Variants in KIF24 observed in about 807,000 individuals in gnomAD.
KIF24 encodes the protein kinesin-like protein KIF24.
Under a neutral mutation model 118.9 loss-of-function variants are expected in KIF24, and 81 were observed. That is an observed-to-expected ratio of 0.68 (90% CI 0.57 to 0.82). KIF24 has a LOEUF of 0.82. Among genes scored for constraint, KIF24 ranks in the 40% least tolerant of loss-of-function variants. The probability of loss-of-function intolerance (pLI) is 0.00; values close to 1 mark genes in which losing one functional copy is unlikely to be tolerated. For synonymous variants in KIF24, 599 were observed against 610.0 expected (o/e 0.98, Z 0.27); for missense variants, 1,560 against 1,661.6 (o/e 0.94, Z 1.06).
intron 1 of KIF24, among the ~76,000 whole-genome samples, chr9:34,324,692 A>G (rs778791898): frequency 1.2e-4 from 19 of 152,328 alleles, no homozygotes; most frequent in African/African-American, 3.4e-4. Context: ...TACAAAGTCC[A>G]AACTCCTAAG....
intron 2 of KIF24, among the ~76,000 whole-genome samples, chr9:34,307,140 C>A (rs1411585226): frequency 6.6e-6 from 1 of 152,158 alleles, no homozygotes; most frequent in African/African-American, 2.4e-5. Flanking sequence ...ACAGCCATGG[C>A]TCATTGCAGC....
chr9:34,270,874 T>C (rs914161343), intron 7 of KIF24, among the ~76,000 whole-genome samples: 4 of 148,096 alleles, frequency 2.7e-5, no homozygotes, highest in African/African-American at 1.0e-4. Flanking sequence ...GTCTCAACCC[T>C]GGAGATCAAT....
chr9:34,269,481 G>A (rs982754896), intron 7 of KIF24, 119 bp from the exon 8 acceptor site: 13 of 423,354 alleles, frequency 3.1e-5, no homozygotes, highest in Non-Finnish European at 4.8e-5. Context: ...GTGCAGTGGC[G>A]CGATTTTGGC....
chr9:34,275,936 A>G (rs1835644579), intron 6 of KIF24, among the ~76,000 whole-genome samples: 1 of 152,184 alleles, frequency 6.6e-6, no homozygotes, highest in Non-Finnish European at 1.5e-5. Flanking sequence ...TGTTCCTCTG[A>G]GTTTGTTCAA....
chr9:34,305,299 T>A (rs994736882), intron 3 of KIF24, among the ~76,000 whole-genome samples: 1 of 152,186 alleles, frequency 6.6e-6, no homozygotes, highest in Non-Finnish European at 1.5e-5. Context: ...TGAAATCATA[T>A]CTCTGGATTT....
At chr9:34,323,587 A>G (rs1381692620) in intron 1 of KIF24, among the ~76,000 whole-genome samples, 4 of 152,324 alleles carry the variant, frequency 2.6e-5, no homozygotes, top group African/African-American at 9.6e-5. Flanking sequence ...ATTTTGCCAC[A>G]CTGCAGTCAT....
chr9:34,319,400 G>A (rs1434315832), intron 1 of KIF24: 4 of 929,686 alleles, frequency 4.3e-6, no homozygotes, highest in Non-Finnish European at 7.1e-6. Context: ...ACAAGAACAA[G>A]GCAAACTTGT....
At chr9:34,255,310 G>C in intron 11 of KIF24, 145 bp from the exon 12 acceptor site, 1 of 614,888 alleles carries the variant, frequency 1.6e-6, no homozygotes, top group Non-Finnish European at 2.9e-6. Context: ...TTACCAACCA[G>C]CTCCCCCTCA....
Position 34,290,215 on chromosome 9 carries a change from A to C in KIF24, c.1086T>G (p.Ile362Met). 6.2e-7 allele frequency: 1 copy of C among 1,613,740 alleles called. No individual in the cohort carries two copies. The highest frequency in any genetic ancestry group is 2.2e-5 in the East Asian group (1 of 44,864). Reference protein sequence around the residue: ...HLFVWISFYEIYCGQLYDLLN... With the variant: ...HLFVWISFYEMYCGQLYDLLN... Reference sequence around the variant, plus strand: ...GGAGGTCATAAAGCTGTCCACAGTAAATTTCATAGAAGCTGATCCACACAA... The same window carrying C: ...GGAGGTCATAAAGCTGTCCACAGTACATTTCATAGAAGCTGATCCACACAA... The change falls in exon 5 of 13, where the codon ATT (isoleucine) becomes ATG (methionine). Residue 362 changes from isoleucine to methionine, a missense_variant. Coordinates refer to ENST00000402558, the MANE Select transcript of KIF24 (RefSeq NM_194313.4).
At chr9:34,298,542 C>T (rs1473907684) in intron 3 of KIF24, among the ~76,000 whole-genome samples, 2 of 107,944 alleles carry the variant, frequency 1.9e-5, no homozygotes, top group African/African-American at 5.3e-5. Context: ...AAAACTCCAT[C>T]TCAAAAAAAA....
At chr9:34,316,382 C>A (rs1383560630) in intron 1 of KIF24, among the ~76,000 whole-genome samples, 1 of 151,852 alleles carries the variant, frequency 6.6e-6, no homozygotes, top group African/African-American at 2.4e-5. Context: ...TTGCCCAAGG[C>A]AACGAAGTGA....
chr9:34,268,509 CTT>C (rs551412725), intron 8 of KIF24, among the ~76,000 whole-genome samples: 9 of 123,564 alleles, frequency 7.3e-5, no homozygotes, highest in Non-Finnish European at 1.2e-4. Context: ...GATTTTCTTT[CTT>C]TTTTTTTTTT....
intron 6 of KIF24, among the ~76,000 whole-genome samples, chr9:34,281,841 T>C (rs1835860849): frequency 6.6e-6 from 1 of 152,146 alleles, no homozygotes; most frequent in African/African-American, 2.4e-5. Context: ...TCCTCTCCCT[T>C]TTACTCTAGC....
rs144965940 is a variant in KIF24 at position 34,301,439 on chromosome 9, G to A, written c.814-4325C>T. ...AATTTTTTGTATTTTTAGTAGAGAT[G>A]GGGTTTCGCTATGATAGCCAGGCTG... On this transcript the variant is annotated intron_variant, in intron 3 of 12. Coordinates refer to ENST00000402558, the MANE Select transcript of KIF24 (RefSeq NM_194313.4). Among the ~76,000 whole-genome samples the A allele has an allele frequency of 9.7e-4, 147 of 152,100 alleles. 2 individuals carry two copies. The Middle Eastern group carries it at 0.014, about 14-fold the overall frequency.
At chr9:34,275,958 G>A (rs186133454) in intron 6 of KIF24, among the ~76,000 whole-genome samples, 101 of 152,242 alleles carry the variant, frequency 6.6e-4, no homozygotes, top group Admixed American at 4.1e-3. Flanking sequence ...ATCTCCAGTT[G>A]AGGAACAAAC....
intron 10 of KIF24, 82 bp downstream of exon 10, chr9:34,259,514 T>C: frequency 9.9e-7 from 1 of 1,010,220 alleles, no homozygotes; most frequent in Admixed American, 1.7e-5. Context: ...CACACACGCG[T>C]GCACACATGC....
At chr9:34,302,863 C>T (rs1836776277) in intron 3 of KIF24, among the ~76,000 whole-genome samples, 1 of 148,114 alleles carries the variant, frequency 6.8e-6, no homozygotes, top group South Asian at 2.2e-4. Context: ...GCAAGCTCCG[C>T]CTCCCGGGTT....
chr9:34,288,618 G>GATAT (rs145909679), intron 5 of KIF24, among the ~76,000 whole-genome samples: 2 of 149,484 alleles, frequency 1.3e-5, no homozygotes, highest in East Asian at 1.9e-4. Flanking sequence ...CAATTAAATG[G>GATAT]ATATATATAT....
At position 34,318,738 on chromosome 9, in the gene KIF24, G is replaced by A; in HGVS notation, c.-25-7367C>T. 1 of 1,505,014 alleles carries A rather than the reference G, an allele frequency of 6.6e-7. No homozygotes were observed. The highest frequency in any genetic ancestry group is 9.1e-7 in the Non-Finnish European group (1 of 1,100,064). The allele number at this position is 1,505,014 out of a possible 1,614,324, so 93.2% of individuals were successfully genotyped here. A position where few individuals can be genotyped will look rare whatever the true frequency, so the allele number is the denominator to read the frequency against. On this transcript the variant is annotated intron_variant, in intron 1 of 12. Coordinates refer to ENST00000402558, the MANE Select transcript of KIF24 (RefSeq NM_194313.4). This position sits in a 1 kb window ranked among gnomAD's most constrained non-coding sequence, Gnocchi z 4.9. Reference sequence around the variant, plus strand: ...GACGAGGAGGTGCACGCCGGCGTGGGCGAGCCGCTGCGTTCACTCAGCAAC... The same window carrying A: ...GACGAGGAGGTGCACGCCGGCGTGGACGAGCCGCTGCGTTCACTCAGCAAC...
Sources: gnomAD v4.1 joint callset for allele counts (sites outside exome capture counted in the v4.1 genomes callset) on GRCh38, gnomAD v4.1.1 for gene constraint, Gnocchi (gnomAD v3.1) non-coding constraint, MANE v1.5 for transcripts, NCBI Gene and HGNC (gene_info 2026-07-23, HGNC 2026-07-21) for gene names.